Variants in KIF26A observed in about 807,000 individuals in gnomAD.
KIF26A encodes the protein kinesin-like protein KIF26A.
In KIF26A, 74 loss-of-function variants were observed where a neutral mutation model predicts 126.0. The observed-to-expected ratio is 0.59, with a 90% confidence interval of 0.49 to 0.71. The LOEUF is 0.71. Ranked by LOEUF, KIF26A falls within the 30% of genes least tolerant of loss-of-function variation. The pLI is 0.00. For missense variants in KIF26A, 2,984 were observed against 2,763.3 expected (o/e 1.08, Z -1.79); for synonymous variants, 1,445 against 1,232.7 (o/e 1.17, Z -3.61).
intron 5 of KIF26A, among the ~76,000 whole-genome samples, chr14:104,171,254 C>T (rs2037953934): frequency 6.6e-6 from 1 of 152,214 alleles, no homozygotes; most frequent in Non-Finnish European, 1.5e-5. Flanking sequence ...CCCCTGACAG[C>T]GCCAGCCCTC....
In KIF26A at chr14:104,151,777, C is replaced by T. The variant is rs546986192; in HGVS notation, c.289-238C>T. Among the ~76,000 whole-genome samples, 25 of 152,380 alleles carry T rather than the reference C, an allele frequency of 1.6e-4. No homozygotes were observed. Among genetic ancestry groups the T allele is most frequent in the South Asian group, 6.2e-4 (3 of 4,834 alleles). On this transcript the variant is annotated intron_variant, in intron 2 of 14. Coordinates refer to ENST00000423312, the MANE Select transcript of KIF26A (RefSeq NM_015656.2). This position sits in a 1 kb window ranked among gnomAD's most constrained non-coding sequence, Gnocchi z 4.9. ...AGCCGCAGGCCGGGGCGCTTAATGA[C>T]GGCTGGGGAAGGTGGACAGTTAACA...
chr14:104,178,681 A>G lies in KIF26A; in HGVS notation c.5242A>G (p.Ile1748Val). ...LAGSLKEPFE[I>V]KVYEIDDVER... ...TGGCTCCCTGAAGGAGCCGTTCGAGATCAAGGTGTACGAGATCGATGACGT... is the reference window on the plus strand; with the variant it reads ...TGGCTCCCTGAAGGAGCCGTTCGAGGTCAAGGTGTACGAGATCGATGACGT... Residue 1748 changes from isoleucine to valine, a missense_variant, in exon 13 of 15, where the codon ATC becomes GTC. Physicochemically the swap from Ile to Val is conservative, Grantham distance 29 (BLOSUM62 3). Coordinates refer to ENST00000423312, the MANE Select transcript of KIF26A (RefSeq NM_015656.2). 2 of 1,562,666 alleles carry G rather than the reference A, an allele frequency of 1.3e-6. No individual in the cohort carries two copies. The highest frequency in any genetic ancestry group is 1.7e-6 in the Non-Finnish European group (2 of 1,154,332).
chr14:104,141,856 G>A (rs149837810), intron 2 of KIF26A, among the ~76,000 whole-genome samples: 58 of 152,360 alleles, frequency 3.8e-4, no homozygotes, highest in African/African-American at 1.3e-3. Flanking sequence ...GCAGGTTCCC[G>A]AGAGTTCTTG....
intron 2 of KIF26A, among the ~76,000 whole-genome samples, chr14:104,147,733 C>T (rs943861721): frequency 3.9e-5 from 6 of 152,252 alleles, no homozygotes; most frequent in African/African-American, 1.4e-4. Context: ...ACAGCGGCTG[C>T]TCGGGGTTGC....
At chr14:104,144,373 A>G (rs1304345298) in intron 2 of KIF26A, among the ~76,000 whole-genome samples, 1 of 152,036 alleles carries the variant, frequency 6.6e-6, no homozygotes, top group Non-Finnish European at 1.5e-5. Context: ...TGGGGATGGG[A>G]TTGTGGCCGC....
At position 104,179,350 on chromosome 14, in the gene KIF26A, C is replaced by T. The variant is rs754835811; in HGVS notation, c.5431C>T (p.Arg1811Trp). ...TGAGGAGCTGGCCGAGACCCAGGGC[C>T]GGCTGATGCTGGAGCCTGGCCGCTG... ...LCEELAETQG[R>W]LMLEPGRWLE... The change falls in exon 14 of 15, where the codon CGG becomes TGG. Residue 1811 changes from arginine (R) to tryptophan (W), a missense_variant. Physicochemically the swap from Arg to Trp is moderately radical, Grantham distance 101. Transcript: ENST00000423312. The T allele has an allele frequency of 3.4e-5, 53 of 1,538,380 alleles. No individual in the cohort carries two copies. The highest frequency in any genetic ancestry group is 5.9e-5 in the Admixed American group (3 of 50,578).
In KIF26A at chr14:104,176,356, A is replaced by T; in HGVS notation, c.3568A>T (p.Arg1190Trp). 6.3e-7 allele frequency: 1 copy of T among 1,581,666 alleles called. No homozygotes were observed. Among genetic ancestry groups the T allele is most frequent in the Non-Finnish European group, 8.6e-7 (1 of 1,160,770 alleles). Residue 1190 changes from arginine to tryptophan, a missense_variant, in exon 12 of 15, where the codon AGG becomes TGG. Arg to Trp is a moderately radical substitution (Grantham distance 101). Transcript: ENST00000423312. ...VAAVAPSRPG[R>W]EPQAGPSRWA... ...TGCAGTGGCCCCATCCCGACCCGGC[A>T]GGGAGCCCCAGGCCGGGCCCTCGCG...
chr14:104,162,774 G>A (rs1050395815), intron 4 of KIF26A, among the ~76,000 whole-genome samples: 7 of 152,280 alleles, frequency 4.6e-5, no homozygotes, highest in African/African-American at 1.4e-4. Flanking sequence ...GGTGCTGGGC[G>A]TCCCCCACAT....
At chr14:104,155,698 G>T in intron 3 of KIF26A, among the ~76,000 whole-genome samples, 1 of 152,256 alleles carries the variant, frequency 6.6e-6, no homozygotes, top group East Asian at 1.9e-4. Flanking sequence ...TCCCGGCAGC[G>T]CGTGGGACGG....
intron 11 of KIF26A, 59 bp from the exon 12 acceptor site, chr14:104,174,923 G>A (rs562293345): frequency 2.1e-5 from 30 of 1,449,892 alleles, no homozygotes; most frequent in East Asian, 1.5e-4. Context: ...GGGGAGGGTC[G>A]GGGAAGCGGG....
At position 104,177,220 on chromosome 14, in the gene KIF26A, C is replaced by A. The variant is rs778094893; in HGVS notation, c.4432C>A (p.Pro1478Thr). The change falls in exon 12 of 15, where the codon CCC becomes ACC. Residue 1478 changes from proline to threonine, a missense_variant. Pro to Thr is a conservative substitution (Grantham distance 38). Transcript: ENST00000423312. ...PPSSPTHGPAPACRSGAAKAV... is the reference protein window; with the variant it reads ...PPSSPTHGPATACRSGAAKAV... ...CTCCAGCCCCACACACGGTCCAGCT[C>A]CCGCCTGTAGGAGCGGCGCAGCCAA... 6.3e-7 allele frequency: 1 copy of A among 1,596,052 alleles called. No homozygotes were observed. The highest frequency in any genetic ancestry group is 1.1e-5 in the South Asian group (1 of 90,238).
intron 3 of KIF26A, among the ~76,000 whole-genome samples, chr14:104,156,594 G>A (rs1337182340): frequency 1.5e-5 from 2 of 137,016 alleles, no homozygotes; most frequent in Admixed American, 7.1e-5. Context: ...AGCTGGTACC[G>A]GCCATGGGTT....
At chr14:104,140,337 C>T (rs999375042) in intron 2 of KIF26A, among the ~76,000 whole-genome samples, 6 of 152,144 alleles carry the variant, frequency 3.9e-5, no homozygotes, top group Non-Finnish European at 8.8e-5. Context: ...CCCGCCCTGT[C>T]CTCTGCTCTG....
intron 4 of KIF26A, among the ~76,000 whole-genome samples, chr14:104,161,383 A>AT (rs1211235127): frequency 1.3e-5 from 2 of 152,124 alleles, no homozygotes; most frequent in Admixed American, 6.5e-5. Flanking sequence ...GCCATAAGTG[A>AT]TTCCTGCACG....
chr14:104,179,185 T>A, intron 13 of KIF26A, 51 bp from the exon 14 acceptor site: 5 of 1,408,482 alleles, frequency 3.5e-6, no homozygotes, highest in Non-Finnish European at 4.6e-6. Context: ...TGCTTGGGGG[T>A]CTCTGGGGAG....
At chr14:104,147,192 C>T (rs2141091364) in intron 2 of KIF26A, among the ~76,000 whole-genome samples, 1 of 152,314 alleles carries the variant, frequency 6.6e-6, no homozygotes, top group Admixed American at 6.5e-5. Flanking sequence ...GCCACCCCAC[C>T]TCGCCGGGGC....
intron 3 of KIF26A, among the ~76,000 whole-genome samples, chr14:104,156,940 G>A (rs1393524764): frequency 1.3e-5 from 2 of 152,080 alleles, no homozygotes; most frequent in East Asian, 1.9e-4. Flanking sequence ...ACCAGGCCAC[G>A]GTGCCCAAGG....
At chr14:104,139,383 T>A (rs1354332363) in intron 2 of KIF26A, 95 bp downstream of exon 2, 3 of 1,309,330 alleles carry the variant, frequency 2.3e-6, no homozygotes, top group African/African-American at 3.1e-5. Flanking sequence ...TTCCACTCCT[T>A]CCCTGCTGCT....
In KIF26A at chr14:104,171,864, C is replaced by G. The variant is rs962433023; in HGVS notation, c.1255C>G (p.Arg419Gly). ...CGGTCCCCCAGGCAGCGCAGGCCCCCGGCGAGCCGCCACTGCTGCAGTTCC... is the reference window on the plus strand; with the variant it reads ...CGGTCCCCCAGGCAGCGCAGGCCCCGGGCGAGCCGCCACTGCTGCAGTTCC... ...AAGPPGSAGP[R>G]RAATAAVPKM... Residue 419 changes from arginine (R) to glycine (G), a missense_variant, in exon 6 of 15, where the codon CGG becomes GGG. By Grantham distance (125) the Arg-to-Gly change is moderately radical. Coordinates refer to ENST00000423312, the MANE Select transcript of KIF26A (RefSeq NM_015656.2). 6.4e-7 allele frequency: 1 copy of G among 1,554,310 alleles called. No homozygotes were observed. Among genetic ancestry groups the G allele is most frequent in the Non-Finnish European group, 8.7e-7 (1 of 1,150,198 alleles).
Sources: allele counts gnomAD v4.1 joint callset (sites outside exome capture counted in the v4.1 genomes callset), GRCh38; gene constraint gnomAD v4.1.1; non-coding constraint Gnocchi (gnomAD v3.1); transcripts MANE v1.5; gene names NCBI Gene and HGNC (gene_info 2026-07-23, HGNC 2026-07-21).